Variants in ITSN1 observed in about 807,000 individuals in gnomAD.
ITSN1 encodes intersectin-1.
Under a neutral mutation model 239.8 loss-of-function variants are expected in ITSN1, and 58 were observed. That is an observed-to-expected ratio of 0.24 (90% CI 0.20 to 0.30). The LOEUF is 0.30. Among genes scored for constraint, ITSN1 ranks in the 10% least tolerant of loss-of-function variants. The pLI is 1.00. For missense variants in ITSN1, 1,558 were observed against 2,103.3 expected (o/e 0.74, Z 5.07); for synonymous variants, 780 against 770.8 (o/e 1.01, Z -0.20).
At chr21:33,650,642 G>C (rs1330936373) in intron 1 of ITSN1, among the ~76,000 whole-genome samples, 1 of 152,200 alleles carries the variant, frequency 6.6e-6, no homozygotes, top group African/African-American at 2.4e-5. Context: ...AATTTCTGAA[G>C]TTATCTGAAA....
rs544809644 is a variant in ITSN1, at chr21:33,832,220, T to C, written c.3352-2087T>C. Among the ~76,000 whole-genome samples, 8 of 152,242 alleles carry C rather than the reference T, an allele frequency of 5.3e-5. No individual in the cohort carries two copies. In the East Asian group the frequency reaches 1.5e-3, roughly 29 times the overall value. On this transcript the variant is annotated intron_variant, in intron 27 of 39. Transcript: ENST00000381318. ...CCAGCGGCCAACCAGCTCCAACCTC[T>C]CCACTTTCGCAAGAGCTGGGAGATC...
rs1188283621 is a variant in ITSN1 at position 33,690,815 on chromosome 21, GTATATATATA to G, written c.-32-27968_-32-27959del. Among the ~76,000 whole-genome samples the G allele has an allele frequency of 2.8e-3, 31 of 11,080 alleles. 3 individuals carry two copies. The highest frequency in any genetic ancestry group is 4.2e-3 in the Non-Finnish European group (25 of 6,012). The allele number at this position is 11,080 out of a possible 152,430, so 7.3% of individuals were successfully genotyped here. On this transcript the variant is annotated intron_variant, in intron 1 of 39. Coordinates refer to ENST00000381318, the MANE Select transcript of ITSN1 (RefSeq NM_003024.3). ...CATATATATATATATATATATATAT[GTATATATATA>G]TATATATATATATGTAAAAGTTAAA...
chr21:33,847,613 G>A (rs757541673), intron 29 of ITSN1, among the ~76,000 whole-genome samples: 122 of 152,178 alleles, frequency 8.0e-4, no homozygotes, highest in Non-Finnish European at 1.5e-3. Context: ...TGGTGGCAGC[G>A]TGGCCTGAGG....
intron 36 of ITSN1, among the ~76,000 whole-genome samples, chr21:33,884,743 A>G (rs1218340865): frequency 6.6e-6 from 1 of 152,194 alleles, no homozygotes; most frequent in African/African-American, 2.4e-5. Context: ...TCGGTAAGGA[A>G]GGAAGAGGAG....
At chr21:33,674,807 T>C (rs1395892252) in intron 1 of ITSN1, among the ~76,000 whole-genome samples, 1 of 152,216 alleles carries the variant, frequency 6.6e-6, no homozygotes, top group East Asian at 1.9e-4. Context: ...GAAACATTTC[T>C]ATTCTAAAAG....
rs778127066 is a variant in ITSN1 at position 33,814,019 on chromosome 21, G to A, written c.2674G>A (p.Ala892Thr). The stretch of plus-strand genomic sequence containing the variant: ...TGCCGGCCAGTTAAGGCAGAGGTCC[G>A]CCTTTACTCCAGCCACGGCCACTGG... ...PSAGQLRQRS[A>T]FTPATATGSS... Residue 892 changes from alanine (A) to threonine (T), a missense_variant, in exon 22 of 40, where the codon GCC (alanine) becomes ACC (threonine). By Grantham distance (58) the Ala-to-Thr change is moderately conservative. Transcript: ENST00000381318. The A allele has an allele frequency of 3.7e-6, 6 of 1,613,970 alleles. No individual in the cohort carries two copies. The highest frequency in any genetic ancestry group is 4.2e-6 in the Non-Finnish European group (5 of 1,180,008).
chr21:33,747,465 A>G (rs2067250139), intron 5 of ITSN1, among the ~76,000 whole-genome samples: 3 of 152,138 alleles, frequency 2.0e-5, no homozygotes, highest in South Asian at 2.1e-4. Context: ...GTGAAAAGCA[A>G]TAGTCTACAC....
At chr21:33,688,152 T>C (rs2091340141) in intron 1 of ITSN1, among the ~76,000 whole-genome samples, 1 of 152,200 alleles carries the variant, frequency 6.6e-6, no homozygotes. Flanking sequence ...ATTTCATGTA[T>C]TTCTGTTAGA....
chr21:33,896,754 T>C lies in ITSN1; in HGVS notation c.*8454T>C, dbSNP rs916771818. 7 of 152,384 alleles carry C rather than the reference T, an allele frequency of 4.6e-5. No homozygotes were observed. Among genetic ancestry groups the C allele is most frequent in the Middle Eastern group, 6.8e-3 (2 of 294 alleles). 9.4% of individuals were successfully genotyped at this position (152,384 alleles called of 1,614,324 possible). ...TTCTTTCACGAGCTTTTACTTTTCC[T>C]GGGCTGGACGCTCCAAAATGTTTGC... On this transcript the variant is annotated 3_prime_UTR_variant, in exon 40 of 40. Coordinates refer to ENST00000381318, the MANE Select transcript of ITSN1 (RefSeq NM_003024.3).
intron 1 of ITSN1, among the ~76,000 whole-genome samples, chr21:33,714,630 ATATCTATATC>A (rs201371286): frequency 0.013 from 1,957 of 151,644 alleles, 47 homozygotes; most frequent in African/African-American, 0.044. Flanking sequence ...TATTATATCT[ATATCTATATC>A]TATAAGTAAA....
intron 14 of ITSN1, among the ~76,000 whole-genome samples, chr21:33,778,571 C>CTCTTTTT (rs1244255072): frequency 1.6e-5 from 1 of 63,942 alleles, no homozygotes; most frequent in African/African-American, 7.6e-5. Flanking sequence ...ATAATATTCT[C>CTCTTTTT]TTTTTTTTTT....
chr21:33,703,083 C>CTGTGTGTGTGTGTG (rs10529613), intron 1 of ITSN1, among the ~76,000 whole-genome samples: 1 of 145,544 alleles, frequency 6.9e-6, no homozygotes, highest in African/African-American at 2.5e-5. Context: ...GAGACTCTGT[C>CTGTGTGTGTGTGTG]TGTGTGTGTG....
chr21:33,895,538 CGTGTGTGTGCACGCAT>C lies in ITSN1; in HGVS notation c.*7246_*7261del, dbSNP rs1174000960. 1.6e-4 allele frequency: 22 copies of C among 136,516 alleles called. No homozygotes were observed. The highest frequency in any genetic ancestry group is 6.3e-4 in the African/African-American group (22 of 35,146). The allele number at this position is 136,516 out of a possible 1,614,324, so 8.5% of individuals were successfully genotyped here. ...TTGTGTGTGCATGTGTGTGTGTCTA[CGTGTGTGTGCACGCAT>C]GTGTGTGCGTGTATGTGTGCGTGTG... On this transcript the variant is annotated 3_prime_UTR_variant, in exon 40 of 40. Coordinates refer to ENST00000381318, the MANE Select transcript of ITSN1 (RefSeq NM_003024.3).
intron 22 of ITSN1, chr21:33,817,340 T>C (rs1214284925): frequency 2.3e-6 from 3 of 1,304,460 alleles, no homozygotes; most frequent in Non-Finnish European, 3.0e-6. Context: ...TTGCCCATGC[T>C]GCGCCCTCGG....
At chr21:33,868,182 G>A (rs1450549319) in intron 33 of ITSN1, among the ~76,000 whole-genome samples, 1 of 152,194 alleles carries the variant, frequency 6.6e-6, no homozygotes, top group Non-Finnish European at 1.5e-5. Context: ...GCTGATTGGT[G>A]CCTTTACAAT....
At chr21:33,791,774 G>A (rs2071153371) in intron 16 of ITSN1, among the ~76,000 whole-genome samples, 1 of 152,146 alleles carries the variant, frequency 6.6e-6, no homozygotes, top group African/African-American at 2.4e-5. Context: ...CATGGCCAGT[G>A]TCCATTCTGG....
intron 20 of ITSN1, among the ~76,000 whole-genome samples, chr21:33,807,865 T>C (rs1467907246): frequency 6.6e-6 from 1 of 152,142 alleles, no homozygotes; most frequent in Non-Finnish European, 1.5e-5. Flanking sequence ...AGAAGCAGAT[T>C]GTTACCTAGA....
intron 5 of ITSN1, among the ~76,000 whole-genome samples, chr21:33,749,155 A>C (rs2067382531): frequency 1.3e-5 from 2 of 151,928 alleles, no homozygotes; most frequent in Admixed American, 6.5e-5. Flanking sequence ...TGCCTGGCTA[A>C]TTTTTAAAAT....
At chr21:33,696,180 CT>C (rs369125854) in intron 1 of ITSN1, among the ~76,000 whole-genome samples, 1 of 151,228 alleles carries the variant, frequency 6.6e-6, no homozygotes, top group Non-Finnish European at 1.5e-5. Context: ...TGCAGTAAGG[CT>C]TTTTTTTTGT....
Sources: allele counts gnomAD v4.1 joint callset (sites outside exome capture counted in the v4.1 genomes callset), GRCh38; gene constraint gnomAD v4.1.1; transcripts MANE v1.5; gene names NCBI Gene and HGNC (gene_info 2026-07-23, HGNC 2026-07-21).